Variants in DPP6 observed in about 807,000 individuals in gnomAD.
DPP6 encodes the protein A-type potassium channel modulatory protein DPP6.
In DPP6, 69 loss-of-function variants were observed where a neutral mutation model predicts 122.6. The observed-to-expected ratio is 0.56, with a 90% CI of 0.46 to 0.69. The LOEUF (loss-of-function observed/expected upper bound fraction) is 0.69. Among genes scored for constraint, DPP6 ranks in the 30% least tolerant of loss-of-function variants. The pLI is 0.00. For synonymous variants in DPP6, 418 were observed against 433.1 expected, an observed-to-expected ratio of 0.97 and a Z score of 0.43; for missense variants, 928 against 1,116.9, an observed-to-expected ratio of 0.83 and a Z score of 2.41.
intron 3 of DPP6, among the ~76,000 whole-genome samples, chr7:154,524,914 A>G (rs1401376558): frequency 6.6e-6 from 1 of 152,148 alleles, no homozygotes; most frequent in African/African-American, 2.4e-5. Flanking sequence ...TTTATAATAT[A>G]CTTTGTGTGC....
At chr7:154,572,412 G>T (rs1831166032) in intron 5 of DPP6, among the ~76,000 whole-genome samples, 1 of 151,566 alleles carries the variant, frequency 6.6e-6, no homozygotes, top group African/African-American at 2.4e-5. Context: ...ATAAGGGATT[G>T]GGCTATAAAT....
intron 1 of DPP6, among the ~76,000 whole-genome samples, chr7:153,984,103 C>CAT: frequency 7.0e-6 from 1 of 142,734 alleles, no homozygotes; most frequent in Admixed American, 7.0e-5. Context: ...CACACACACA[C>CAT]GTGTCACAAG....
At position 153,887,729 on chromosome 7, in the gene DPP6, G is replaced by A. The variant is rs1563207362; in HGVS notation, c.46G>A (p.Val16Met). Residue 16 changes from valine to methionine, a missense_variant, in exon 1 of 26, where the codon GTG becomes ATG. Coordinates refer to the DPP6 transcript ENST00000404039. ...CAAGACCGCTAAGATGCAGGGGAAC[G>A]TGATGGTGAGTGCCACGGACAGGGC... 1.9e-6 allele frequency: 3 copies of A among 1,613,826 alleles called. No homozygotes were observed. The highest frequency in any genetic ancestry group is 2.5e-6 in the Non-Finnish European group (3 of 1,179,804).
In DPP6 at chr7:154,644,624, G is replaced by A. The variant is rs78354957; in HGVS notation, c.680+6751G>A. On this transcript the variant is annotated intron_variant, in intron 6 of 25. Coordinates refer to ENST00000377770, the MANE Select transcript of DPP6 (RefSeq NM_130797.4). ...AGAGCAAGCTACCTTCACAGCTGCC[G>A]GAAGTTACAGAACTAGGATTGTGTG... Among the ~76,000 whole-genome samples the A allele has an allele frequency of 8.9e-4, 136 of 152,242 alleles. 2 individuals are homozygous for A. In the East Asian group the frequency reaches 0.019, roughly 21 times the overall value.
At chr7:154,719,443 T>C (rs949920990) in intron 7 of DPP6, among the ~76,000 whole-genome samples, 1 of 152,148 alleles carries the variant, frequency 6.6e-6, no homozygotes, top group African/African-American at 2.4e-5. Flanking sequence ...GACCCTGCTC[T>C]CATAAAATTT....
chr7:153,845,427 T>C, the DPP6 span, among the ~76,000 whole-genome samples: 1 of 152,148 alleles, frequency 6.6e-6, no homozygotes, highest in East Asian at 1.9e-4. Flanking sequence ...ATTAATATAC[T>C]GCTAAACTTT....
chr7:153,908,916 G>T (rs1033781651), intron 1 of DPP6, among the ~76,000 whole-genome samples: 3 of 151,964 alleles, frequency 2.0e-5, no homozygotes, highest in African/African-American at 7.3e-5. Context: ...ACCATGCCGG[G>T]CTAATTTTTG....
intron 1 of DPP6, among the ~76,000 whole-genome samples, chr7:154,101,831 G>A (rs1585379854): frequency 1.3e-5 from 2 of 151,034 alleles, no homozygotes; most frequent in African/African-American, 4.9e-5. Context: ...GGGAGGCTGA[G>A]GTGAGAGAAT....
In DPP6 at chr7:154,481,055, G is replaced by A. The variant is rs1032181779; in HGVS notation, c.457+6018G>A. Among the ~76,000 whole-genome samples the A allele has an allele frequency of 6.6e-6, 1 of 152,050 alleles. No homozygotes were observed. Among genetic ancestry groups the A allele is most frequent in the East Asian group, 1.9e-4 (1 of 5,158 alleles). ...GCATCAGTCCACTCGGAGGGTTGGA[G>A]GGCTGGACTCAAGCCCAGCAGCAGC... On this transcript the variant is annotated intron_variant, in intron 3 of 25. Transcript: ENST00000377770. This position sits in a 1 kb window ranked among gnomAD's most constrained non-coding sequence, Gnocchi z 4.2.
At chr7:154,858,442 G>GACA (rs1337188853) in intron 17 of DPP6, 1 of 152,344 alleles carries the variant, frequency 6.6e-6, no homozygotes, top group African/African-American at 2.4e-5. Context: ...CGGTCTGAAG[G>GACA]ACAACTGCAA....
rs1192627728 is a variant in DPP6, at chr7:154,486,041, C to T, written c.457+11004C>T. 6.6e-6 allele frequency among the ~76,000 whole-genome samples: 1 copy of T among 150,778 alleles called. No individual in the cohort carries two copies. The highest frequency in any genetic ancestry group is 6.6e-5 in the Admixed American group (1 of 15,106). On this transcript the variant is annotated intron_variant, in intron 3 of 25. Transcript: ENST00000377770. The surrounding 1 kb of genome is among the most constrained non-coding windows in gnomAD (Gnocchi z 4.5). ...AGTCAAAGACACTAAATCACTTTTT[C>T]AAAGTTACCAAGATGGCTTTAGAGA...
chr7:154,343,691 C>T (rs7810634), intron 1 of DPP6, among the ~76,000 whole-genome samples: 10,543 of 152,278 alleles, frequency 0.069, 1,124 homozygotes, highest in African/African-American at 0.23. Flanking sequence ...GGCGATTCTC[C>T]GGCCTCAGCC....
intron 16 of DPP6, among the ~76,000 whole-genome samples, chr7:154,849,014 G>C (rs1238877903): frequency 2.0e-5 from 3 of 152,110 alleles, no homozygotes; most frequent in Non-Finnish European, 4.4e-5. Context: ...TATTCCATTG[G>C]TTGATGTGTC....
At chr7:153,977,806 G>A (rs1796384619) in intron 1 of DPP6, among the ~76,000 whole-genome samples, 1 of 152,008 alleles carries the variant, frequency 6.6e-6, no homozygotes, top group East Asian at 1.9e-4. Flanking sequence ...AACACATGGT[G>A]TTTGGTTTTC....
intron 3 of DPP6, among the ~76,000 whole-genome samples, chr7:154,517,020 G>A (rs1346690978): frequency 6.6e-6 from 1 of 152,118 alleles, no homozygotes; most frequent in African/African-American, 2.4e-5. Context: ...CTATATGAAA[G>A]CACACCAAAA....
intron 5 of DPP6, among the ~76,000 whole-genome samples, chr7:154,571,477 G>T (rs1831106886): frequency 6.6e-6 from 1 of 152,128 alleles, no homozygotes; most frequent in Non-Finnish European, 1.5e-5. Context: ...AAGTAGCCTA[G>T]TATTAATATC....
chr7:153,978,280 T>C (rs1243441919), intron 1 of DPP6, among the ~76,000 whole-genome samples: 1 of 152,268 alleles, frequency 6.6e-6, no homozygotes, highest in Non-Finnish European at 1.5e-5. Context: ...ATTGTGGTTT[T>C]GATTTGTATT....
intron 1 of DPP6, among the ~76,000 whole-genome samples, chr7:154,236,418 A>G (rs1227613780): frequency 1.3e-5 from 2 of 152,216 alleles, no homozygotes; most frequent in Non-Finnish European, 2.9e-5. Context: ...CAGAAAGCTC[A>G]GGTAAACAAT....
chr7:153,938,809 T>G (rs1017117697), intron 1 of DPP6, among the ~76,000 whole-genome samples: 6 of 152,342 alleles, frequency 3.9e-5, no homozygotes, highest in Middle Eastern at 3.4e-3. Context: ...CTAGGAGCCT[T>G]GCTAAGCTGC....
Sources: gnomAD v4.1 joint callset for allele counts (sites outside exome capture counted in the v4.1 genomes callset) on GRCh38, gnomAD v4.1.1 for gene constraint, Gnocchi (gnomAD v3.1) non-coding constraint, MANE v1.5 for transcripts, NCBI Gene and HGNC (gene_info 2026-07-23, HGNC 2026-07-21) for gene names.